The following PRKD2 variants were observed in gnomAD, a reference collection of about 807,000 sequenced individuals.
The protein encoded by PRKD2 is serine/threonine-protein kinase D2.
A neutral mutation model predicts 86.0 loss-of-function variants in PRKD2; 22 were observed. The ratio of observed to expected loss-of-function variants is 0.26; its 90% CI spans 0.18 to 0.37. The LOEUF (loss-of-function observed/expected upper bound fraction) is 0.37. Among genes scored for constraint, PRKD2 ranks in the 10% least tolerant of loss-of-function variants. The pLI, the probability that PRKD2 is intolerant of heterozygous loss-of-function variation, is 1.00. For missense variants in PRKD2, 818 were observed against 1,199.2 expected (o/e 0.68, Z 4.70); for synonymous variants, 509 against 510.9 (o/e 1.00, Z 0.05).
intron 3 of PRKD2, among the ~76,000 whole-genome samples, chr19:46,708,328 TTTTTTTTC>T (rs1936496853): frequency 7.2e-6 from 1 of 139,768 alleles, no homozygotes. Context: ...TTTTTTTTTT[TTTTTTTTC>T]TGAGACAATC....
intron 5 of PRKD2, 130 bp downstream of exon 5, chr19:46,704,039 G>A (rs546144101): frequency 7.4e-7 from 1 of 1,354,378 alleles, no homozygotes; most frequent in Non-Finnish European, 9.9e-7. Flanking sequence ...CAGAACACTA[G>A]GATTCAGGGC....
intron 15 of PRKD2, among the ~76,000 whole-genome samples, chr19:46,680,946 A>ATATATATATATATATATATATATATTTTT: frequency 6.2e-5 from 3 of 48,226 alleles, no homozygotes; most frequent in Non-Finnish European, 1.2e-4. Context: ...ATATATATAT[A>ATATATATATATATATATATATATATTTTT]TTTTTTTTTT....
In PRKD2 at chr19:46,693,837, G is replaced by C; in HGVS notation, c.1576+38C>G. ...CCCAGAACCGTGCCCCACCCATCTA[G>C]ATCTATTCTCTCAAGGACCCGAGGT... is the stretch of plus-strand genomic sequence containing the variant. On this transcript the variant is annotated intron_variant, in intron 10 of 17. Coordinates refer to ENST00000291281, the MANE Select transcript of PRKD2 (RefSeq NM_016457.5). The surrounding 1 kb of genome is among the most constrained non-coding windows in gnomAD (Gnocchi z 4.5). 12 of 1,558,110 alleles carry C rather than the reference G, an allele frequency of 7.7e-6. No individual in the cohort carries two copies. The highest frequency in any genetic ancestry group is 9.5e-6 in the Non-Finnish European group (11 of 1,154,424).
At chr19:46,694,444 A>T (rs1322201079) in intron 9 of PRKD2, among the ~76,000 whole-genome samples, 3 of 151,986 alleles carry the variant, frequency 2.0e-5, no homozygotes, top group Non-Finnish European at 2.9e-5. Context: ...AAAATACAAA[A>T]ATTAGCCAGG....
At chr19:46,694,671 T>C (rs1375193458) in intron 9 of PRKD2, among the ~76,000 whole-genome samples, 3 of 152,130 alleles carry the variant, frequency 2.0e-5, no homozygotes, top group African/African-American at 7.2e-5. Flanking sequence ...AAGCAGCCAG[T>C]TGGCAAGGAG....
intron 16 of PRKD2, chr19:46,677,499 A>C (rs1255743963): frequency 6.6e-6 from 1 of 152,124 alleles, no homozygotes. Context: ...GCTCCAACAC[A>C]GGTCCCTTGT....
At chr19:46,710,711 C>A in intron 3 of PRKD2, 196 bp downstream of exon 3, 2 of 674,822 alleles carry the variant, frequency 3.0e-6, no homozygotes, top group Non-Finnish European at 4.8e-6. Context: ...GACCTGAGCC[C>A]CGGCCCAGCC....
intron 5 of PRKD2, 73 bp downstream of exon 5, chr19:46,704,096 C>G: frequency 1.3e-6 from 2 of 1,589,744 alleles, no homozygotes; most frequent in Non-Finnish European, 1.7e-6. Context: ...ATCCTTGTGT[C>G]CTGCCACAAG....
Position 46,678,613 on chromosome 19 carries a change from G to T in PRKD2, c.2121C>A (p.Phe707Leu). ...CCGGCGTGCCCACCACTGAGCGGCG[G>T]AACGACTTCTCGCCGATGATGCGAG... ...GFARIIGEKS[F>L]RRSVVGTPAY... The change falls in exon 16 of 18, where the codon TTC becomes TTA. Residue 707 changes from phenylalanine (F) to leucine (L), a missense_variant. Physicochemically the swap from Phe to Leu is conservative, Grantham distance 22 (BLOSUM62 0). Coordinates refer to ENST00000291281, the MANE Select transcript of PRKD2 (RefSeq NM_016457.5). This position sits in a 1 kb window ranked among gnomAD's most constrained non-coding sequence, Gnocchi z 5.7. 1 of 1,612,140 alleles carries T rather than the reference G, an allele frequency of 6.2e-7. No homozygotes were observed.
chr19:46,706,478 C>A (rs2053715980), intron 3 of PRKD2, among the ~76,000 whole-genome samples: 1 of 152,190 alleles, frequency 6.6e-6, no homozygotes, highest in South Asian at 2.1e-4. Context: ...GGTCTTTGCA[C>A]ACAGGAACCA....
At chr19:46,701,419 G>A (rs1450544619) in intron 5 of PRKD2, among the ~76,000 whole-genome samples, 1 of 151,750 alleles carries the variant, frequency 6.6e-6, no homozygotes, top group Non-Finnish European at 1.5e-5. Flanking sequence ...TCAGGAGTTC[G>A]AAACCAGCCT....
Position 46,678,809 on chromosome 19 carries a change from C to T in PRKD2, c.2071-146G>A, listed in dbSNP as rs182706810. On this transcript the variant is annotated intron_variant, in intron 15 of 17. Coordinates refer to ENST00000291281, the MANE Select transcript of PRKD2 (RefSeq NM_016457.5). The surrounding 1 kb of genome is among the most constrained non-coding windows in gnomAD (Gnocchi z 5.7). Reference sequence around the variant, plus strand: ...TCCTTGGCTCACTAGCTGAGCAACCCTGGGCAGGTGACTTCCCCCCTCTGT... The same window carrying T: ...TCCTTGGCTCACTAGCTGAGCAACCTTGGGCAGGTGACTTCCCCCCTCTGT... 112 of 964,432 alleles carry T rather than the reference C, an allele frequency of 1.2e-4. No homozygotes were observed. The African/African-American group carries it at 1.6e-3, about 14-fold the overall frequency. The allele number at this position is 964,432 out of a possible 1,614,324, so 59.7% of individuals were successfully genotyped here.
intron 10 of PRKD2, 147 bp from the exon 11 acceptor site, chr19:46,692,132 C>A: frequency 2.7e-6 from 2 of 736,820 alleles, no homozygotes; most frequent in East Asian, 2.7e-5. Context: ...GGTGACTTGT[C>A]CACTACGAAC....
chr19:46,680,946 A>ATATATATTTTT, intron 15 of PRKD2, among the ~76,000 whole-genome samples: 1 of 48,232 alleles, frequency 2.1e-5, no homozygotes, highest in African/African-American at 7.0e-5. Flanking sequence ...ATATATATAT[A>ATATATATTTTT]TTTTTTTTTT....
intron 10 of PRKD2, 89 bp from the exon 11 acceptor site, chr19:46,692,074 C>A: frequency 7.6e-7 from 1 of 1,320,676 alleles, no homozygotes; most frequent in South Asian, 1.2e-5. Context: ...GGGAGTCAGG[C>A]CACCCAGATT....
chr19:46,680,971 A>T (rs1389211474), intron 15 of PRKD2, among the ~76,000 whole-genome samples: 2 of 57,886 alleles, frequency 3.5e-5, no homozygotes, highest in Non-Finnish European at 8.0e-5. Flanking sequence ...TTTGAGACAG[A>T]GTCTCGCTCT....
chr19:46,697,632 G>A, intron 8 of PRKD2, 101 bp downstream of exon 8: 1 of 1,094,760 alleles, frequency 9.1e-7, no homozygotes, highest in Non-Finnish European at 1.4e-6. Context: ...CCCCGCTCGC[G>A]CCTAGCTCCA....
intron 7 of PRKD2, among the ~76,000 whole-genome samples, chr19:46,700,254 C>T (rs1257047904): frequency 6.6e-6 from 1 of 151,218 alleles, no homozygotes; most frequent in Non-Finnish European, 1.5e-5. Flanking sequence ...CCAGGGATAG[C>T]AGTGCATCCC....
intron 9 of PRKD2, among the ~76,000 whole-genome samples, chr19:46,694,941 C>A (rs1460290488): frequency 6.6e-6 from 1 of 152,182 alleles, no homozygotes; most frequent in African/African-American, 2.4e-5. Flanking sequence ...GTGCCACAAG[C>A]CTGTAATCCC....
Sources: gnomAD v4.1 joint callset for allele counts (sites outside exome capture counted in the v4.1 genomes callset) on GRCh38, gnomAD v4.1.1 for gene constraint, Gnocchi (gnomAD v3.1) non-coding constraint, MANE v1.5 for transcripts, NCBI Gene and HGNC (gene_info 2026-07-23, HGNC 2026-07-21) for gene names.